SIK3: variants seen among roughly 807,000 people sequenced by gnomAD.
SIK3 encodes the protein SIK family kinase 3.
A neutral mutation model predicts 144.2 loss-of-function variants in SIK3; 28 were observed. That is an observed-to-expected ratio of 0.19 (90% confidence interval 0.14 to 0.27). The LOEUF is 0.27. Among genes scored for constraint, SIK3 ranks in the 10% least tolerant of loss-of-function variants. The pLI is 1.00. For missense variants in SIK3, 1,319 were observed against 1,776.0 expected (o/e 0.74, Z 4.62); for synonymous variants, 686 against 676.3 (o/e 1.01, Z -0.22).
At chr11:117,050,559 G>T (rs1022101772) in intron 1 of SIK3, among the ~76,000 whole-genome samples, 1 of 150,120 alleles carries the variant, frequency 6.7e-6, no homozygotes, top group Non-Finnish European at 1.5e-5. Context: ...GGTGGCACAC[G>T]CCTGTAATCC....
At chr11:117,013,909 G>GTGTGTGTGTGTGTGTGTGTGTGTATAT (rs1565556631) in intron 1 of SIK3, among the ~76,000 whole-genome samples, 4 of 35,622 alleles carry the variant, frequency 1.1e-4, no homozygotes, top group African/African-American at 3.0e-4. Context: ...AGGGGGGGGG[G>GTGTGTGTGTGTGTGTGTGTGTGTATAT]GGGAGGGTGT....
At chr11:117,078,286 G>A (rs142340204) in intron 1 of SIK3, among the ~76,000 whole-genome samples, 88 of 152,284 alleles carry the variant, frequency 5.8e-4, no homozygotes, top group African/African-American at 1.7e-3. Context: ...TGATTATTCA[G>A]CAATGTTATC....
At chr11:116,942,762 G>A (rs181918258) in intron 3 of SIK3, among the ~76,000 whole-genome samples, 1 of 152,350 alleles carries the variant, frequency 6.6e-6, no homozygotes, top group East Asian at 1.9e-4. Flanking sequence ...ATGTGAGGAG[G>A]AGAGTGCTAG....
At chr11:117,051,253 C>T (rs1462482458) in intron 1 of SIK3, among the ~76,000 whole-genome samples, 1 of 152,108 alleles carries the variant, frequency 6.6e-6, no homozygotes, top group Admixed American at 6.5e-5. Context: ...CACACCACCC[C>T]TTCCCAATTC....
intron 1 of SIK3, among the ~76,000 whole-genome samples, chr11:117,088,561 A>T (rs1337116512): frequency 6.6e-6 from 1 of 152,144 alleles, no homozygotes; most frequent in Non-Finnish European, 1.5e-5. Context: ...ATTGCACGAA[A>T]CATAAGGAAT....
chr11:116,937,307 C>T (rs570755805), intron 3 of SIK3, among the ~76,000 whole-genome samples: 21 of 152,106 alleles, frequency 1.4e-4, no homozygotes, highest in African/African-American at 2.7e-4. Flanking sequence ...TGGTTACTTA[C>T]GGAAAAGGTG....
At chr11:117,012,135 G>A (rs1310055671) in intron 1 of SIK3, among the ~76,000 whole-genome samples, 2 of 151,920 alleles carry the variant, frequency 1.3e-5, no homozygotes, top group Non-Finnish European at 2.9e-5. Flanking sequence ...CCCCACACCT[G>A]GCTAATTATT....
chr11:117,077,650 C>T (rs1384914699), intron 1 of SIK3, among the ~76,000 whole-genome samples: 1 of 152,034 alleles, frequency 6.6e-6, no homozygotes, highest in African/African-American at 2.4e-5. Flanking sequence ...TAATAAGCTG[C>T]TTATTGCTGT....
At chr11:116,996,477 C>A (rs1213262505) in intron 1 of SIK3, among the ~76,000 whole-genome samples, 1 of 152,000 alleles carries the variant, frequency 6.6e-6, no homozygotes, top group Non-Finnish European at 1.5e-5. Context: ...TATAAACTTG[C>A]TCAAATACAG....
rs762932279 is a variant in SIK3, at chr11:116,858,606, G to C, written c.2859C>G (p.Ser953Arg). The C allele has an allele frequency of 6.2e-7, 1 of 1,612,846 alleles. No homozygotes were observed. The highest frequency in any genetic ancestry group is 8.5e-7 in the Non-Finnish European group (1 of 1,179,390). ...FSDQSRGSPSSYSPSTGVGFS... is the reference protein window; with the variant it reads ...FSDQSRGSPSRYSPSTGVGFS... The stretch of plus-strand genomic sequence containing the variant: ...ACCCCACTCCTGTTGAAGGGCTGTA[G>C]CTGCTGGGGGAACCCCGGGACTGGT... The change falls in exon 21 of 25, where the codon AGC becomes AGG. Residue 953 changes from serine (S) to arginine (R), a missense_variant. Coordinates refer to ENST00000445177, the MANE Select transcript of SIK3 (RefSeq NM_001366686.3). The surrounding 1 kb of genome is among the most constrained non-coding windows in gnomAD (Gnocchi z 5.4).
At chr11:117,083,804 A>G (rs927109987) in intron 1 of SIK3, among the ~76,000 whole-genome samples, 1 of 152,228 alleles carries the variant, frequency 6.6e-6, no homozygotes, top group Non-Finnish European at 1.5e-5. Flanking sequence ...TGCTTCCGCC[A>G]GAAACAGAAA....
chr11:117,074,487 A>G (rs1954416817), intron 1 of SIK3, among the ~76,000 whole-genome samples: 1 of 152,246 alleles, frequency 6.6e-6, no homozygotes, highest in Non-Finnish European at 1.5e-5. Flanking sequence ...GAAGGCTCAA[A>G]TAGACATTTA....
chr11:116,920,305 A>G (rs907054240), intron 4 of SIK3, among the ~76,000 whole-genome samples: 1 of 149,998 alleles, frequency 6.7e-6, no homozygotes, highest in Non-Finnish European at 1.5e-5. Flanking sequence ...ACTTCTTCCA[A>G]TCCCCATTTT....
At chr11:117,061,122 C>T (rs144241894) in intron 1 of SIK3, among the ~76,000 whole-genome samples, 21 of 152,138 alleles carry the variant, frequency 1.4e-4, no homozygotes, top group Non-Finnish European at 2.9e-5. Context: ...TGGCACACAC[C>T]GGTAGTCCCA....
At chr11:116,866,524 G>A (rs189742429) in intron 15 of SIK3, among the ~76,000 whole-genome samples, 12 of 152,008 alleles carry the variant, frequency 7.9e-5, no homozygotes, top group South Asian at 4.2e-4. Flanking sequence ...TCACTGCAAC[G>A]TCTGCCTCCC....
intron 1 of SIK3, among the ~76,000 whole-genome samples, chr11:116,984,137 G>T (rs1006778194): frequency 2.4e-4 from 37 of 151,568 alleles, no homozygotes; most frequent in African/African-American, 9.0e-4. Context: ...AAAGGGATCT[G>T]TAAACCACTG....
chr11:116,943,259 GC>G (rs1190563943), intron 3 of SIK3, among the ~76,000 whole-genome samples: 1 of 152,088 alleles, frequency 6.6e-6, no homozygotes, highest in East Asian at 1.9e-4. Context: ...TAGCTATTTG[GC>G]AAAATCAGAG....
intron 7 of SIK3, among the ~76,000 whole-genome samples, chr11:116,876,661 C>T (rs761634708): frequency 9.9e-5 from 15 of 152,226 alleles, no homozygotes; most frequent in Non-Finnish European, 1.9e-4. Context: ...GGTAGGTAAG[C>T]TGCAGAACTG....
At chr11:116,933,183 C>T (rs571342811) in intron 3 of SIK3, among the ~76,000 whole-genome samples, 1 of 151,262 alleles carries the variant, frequency 6.6e-6, no homozygotes, top group African/African-American at 2.4e-5. Context: ...CACTGTCACC[C>T]AGGATGGAGT....
Sources: gnomAD v4.1 joint callset for allele counts (sites outside exome capture counted in the v4.1 genomes callset) on GRCh38, gnomAD v4.1.1 for gene constraint, Gnocchi (gnomAD v3.1) non-coding constraint, MANE v1.5 for transcripts, NCBI Gene and HGNC (gene_info 2026-07-23, HGNC 2026-07-21) for gene names.